TRPC3: variants seen among roughly 807,000 people sequenced by gnomAD.
TRPC3 encodes the protein transient receptor potential cation channel subfamily C member 3.
In TRPC3, 54 loss-of-function variants were observed where a neutral mutation model predicts 90.9. That is an observed-to-expected ratio of 0.59 (90% CI 0.48 to 0.75). TRPC3 has a LOEUF of 0.75. TRPC3 is among the 30% of genes least tolerant of loss of function. The pLI, the probability that TRPC3 is intolerant of heterozygous loss-of-function variation, is 0.00. For missense variants in TRPC3, 918 were observed against 1,194.5 expected (o/e 0.77, Z 3.41); for synonymous variants, 424 against 450.9 (o/e 0.94, Z 0.75).
chr4:121,913,815 C>T (rs1388173812), intron 4 of TRPC3, among the ~76,000 whole-genome samples: 2 of 152,210 alleles, frequency 1.3e-5, no homozygotes, highest in Admixed American at 1.3e-4. Flanking sequence ...GCATGGGCAA[C>T]TCAATGATGA....
rs147057028 is a variant in TRPC3, at chr4:121,899,260, T to C, written c.2547+352A>G. ...TTTCCTGCCATGGGAGCATTATTCATTCTAACATACTCTGTCTTCTACTGC... is the reference window on the plus strand; with the variant it reads ...TTTCCTGCCATGGGAGCATTATTCACTCTAACATACTCTGTCTTCTACTGC... On this transcript the variant is annotated intron_variant, in intron 10 of 11. Coordinates refer to ENST00000379645, the MANE Select transcript of TRPC3 (RefSeq NM_001130698.2). Among the ~76,000 whole-genome samples, 180 of 152,296 alleles carry C rather than the reference T, an allele frequency of 1.2e-3. No homozygotes were observed. The Middle Eastern group carries it at 0.014, about 12-fold the overall frequency.
rs963316129 is a variant in TRPC3, at chr4:121,876,775, T to C, written c.*2961A>G. Among the ~76,000 whole-genome samples the C allele has an allele frequency of 2.6e-5, 4 of 152,204 alleles. No homozygotes were observed. Among genetic ancestry groups the C allele is most frequent in the Admixed American group, 6.5e-5 (1 of 15,278 alleles). Reference sequence around the variant, plus strand: ...ACAGATTGTGACTTCCATAAAGTCATGGGTGCTCTGTAAATTCAATACAGC... The same window carrying C: ...ACAGATTGTGACTTCCATAAAGTCACGGGTGCTCTGTAAATTCAATACAGC... On this transcript the variant is annotated 3_prime_UTR_variant, in exon 12 of 12. Transcript: ENST00000379645.
intron 10 of TRPC3, among the ~76,000 whole-genome samples, chr4:121,899,104 T>G (rs1357079188): frequency 6.6e-6 from 1 of 152,174 alleles, no homozygotes; most frequent in Non-Finnish European, 1.5e-5. Context: ...AGTTGGAGAA[T>G]AGTGTTCAAA....
intron 10 of TRPC3, among the ~76,000 whole-genome samples, chr4:121,890,650 C>T (rs1321279457): frequency 1.3e-5 from 2 of 151,930 alleles, no homozygotes; most frequent in African/African-American, 2.4e-5. Context: ...TGAGATATTT[C>T]AATAAAATTA....
At chr4:121,921,500 C>A (rs1156661232) in intron 3 of TRPC3, among the ~76,000 whole-genome samples, 2 of 117,172 alleles carry the variant, frequency 1.7e-5, no homozygotes, top group African/African-American at 3.4e-5. Context: ...CCAGCCTGGG[C>A]GACAGAGCGA....
rs1490523766 is a variant in TRPC3 at position 121,916,646 on chromosome 4, G to A, written c.1177-1702C>T. 3.3e-5 allele frequency among the ~76,000 whole-genome samples: 5 copies of A among 152,268 alleles called. No homozygotes were observed. The East Asian group carries it at 9.7e-4, about 29-fold the overall frequency. On this transcript the variant is annotated intron_variant, in intron 3 of 11. Transcript: ENST00000379645. Reference sequence around the variant, plus strand: ...AGTCAGCAGTCTGCAACCCAGAGGAGAGCCCTCATCAGATCTTCACTATGC... The same window carrying A: ...AGTCAGCAGTCTGCAACCCAGAGGAAAGCCCTCATCAGATCTTCACTATGC...
In TRPC3 at chr4:121,876,140, C is replaced by T. The variant is rs76580551; in HGVS notation, c.*3596G>A. Among the ~76,000 whole-genome samples the T allele has an allele frequency of 8.2e-3, 1,244 of 151,930 alleles. 17 individuals carry two copies. The highest frequency in any genetic ancestry group is 0.028 in the African/African-American group (1,168 of 41,402). ...TCTCGAACTCCTGAACTGAAGCCAT[C>T]GACCTGCTTCAACGTCCCAAAGTGC... is the stretch of plus-strand genomic sequence containing the variant. On this transcript the variant is annotated 3_prime_UTR_variant, in exon 12 of 12. Coordinates refer to ENST00000379645, the MANE Select transcript of TRPC3 (RefSeq NM_001130698.2).
At chr4:121,909,025 G>A (rs1728988782) in intron 6 of TRPC3, among the ~76,000 whole-genome samples, 1 of 152,038 alleles carries the variant, frequency 6.6e-6, no homozygotes, top group South Asian at 2.1e-4. Context: ...ATAGGAGATA[G>A]GGAAGCCTGA....
intron 1 of TRPC3, among the ~76,000 whole-genome samples, chr4:121,944,162 G>A (rs1730413517): frequency 1.3e-5 from 2 of 152,122 alleles, no homozygotes; most frequent in Admixed American, 1.3e-4. Context: ...CGGATGTTAT[G>A]CAACACTGAG....
chr4:121,919,923 G>C (rs547252444), intron 3 of TRPC3, among the ~76,000 whole-genome samples: 280 of 152,260 alleles, frequency 1.8e-3, no homozygotes, highest in Non-Finnish European at 3.1e-3. Flanking sequence ...GAAGTAGGTA[G>C]AACTTTGGTT....
In TRPC3 at chr4:121,877,179, T is replaced by A. The variant is rs1727786402; in HGVS notation, c.*2557A>T. On this transcript the variant is annotated 3_prime_UTR_variant, in exon 12 of 12. Coordinates refer to ENST00000379645, the MANE Select transcript of TRPC3 (RefSeq NM_001130698.2). Reference sequence around the variant, plus strand: ...TCGACTAATCCTCATCTCAACCGTATGCTACCACATTAATACCTTATGGCT... The same window carrying A: ...TCGACTAATCCTCATCTCAACCGTAAGCTACCACATTAATACCTTATGGCT... Among the ~76,000 whole-genome samples the A allele has an allele frequency of 6.6e-6, 1 of 152,216 alleles. No individual in the cohort carries two copies. The highest frequency in any genetic ancestry group is 6.5e-5 in the Admixed American group (1 of 15,292).
In TRPC3 at chr4:121,910,170, T is replaced by C; in HGVS notation, c.1776A>G (p.Ile592Met). Residue 592 changes from isoleucine (I) to methionine (M), a missense_variant, in exon 6 of 12, where the codon ATA becomes ATG. Ile to Met is a conservative substitution (Grantham distance 10). Around this residue, in one of 4 missense-constraint regions of TRPC3, gnomAD observed 147 missense variants for 263.5 expected, o/e 0.56. Coordinates refer to ENST00000379645, the MANE Select transcript of TRPC3 (RefSeq NM_001130698.2). Reference sequence around the variant, plus strand: ...ACAACTTACCATAAGTGAAATACTGTATCTCTGGTGGGAGTGTCACTTCAC... The same window carrying C: ...ACAACTTACCATAAGTGAAATACTGCATCTCTGGTGGGAGTGTCACTTCAC... ...DLSEVTLPPE[I>M]QYFTYARDKW... 1 of 1,613,366 alleles carries C rather than the reference T, an allele frequency of 6.2e-7. No homozygotes were observed. Among genetic ancestry groups the C allele is most frequent in the Middle Eastern group, 1.7e-4 (1 of 6,054 alleles).
In TRPC3 at chr4:121,951,517, T is replaced by TGCGAGGGCGCCGAGCGCGGCTCCAGCC. The variant is rs1730752710; in HGVS notation, c.137_163dup (p.Ser54_Gln55insArgLeuGluProArgSerAlaProSer). The stretch of plus-strand genomic sequence containing the variant: ...CGGGCAGTAGCCGTGCGGCTCCCGC[T>TGCGAGGGCGCCGAGCGCGGCTCCAGCC]GCGAGGGCGCCGAGCGCGGCTCCAG... On this transcript the variant is annotated inframe_insertion, in exon 1 of 12. Transcript: ENST00000379645. The surrounding 1 kb of genome is among the most constrained non-coding windows in gnomAD (Gnocchi z 4.4). The TGCGAGGGCGCCGAGCGCGGCTCCAGCC allele has an allele frequency of 7.2e-7, 1 of 1,383,050 alleles. No individual in the cohort carries two copies. Among genetic ancestry groups the TGCGAGGGCGCCGAGCGCGGCTCCAGCC allele is most frequent in the African/African-American group, 1.5e-5 (1 of 65,356 alleles). The allele number at this position is 1,383,050 out of a possible 1,614,324, so 85.7% of individuals were successfully genotyped here.
chr4:121,892,405 C>A (rs1024771345), intron 10 of TRPC3, among the ~76,000 whole-genome samples: 1 of 152,140 alleles, frequency 6.6e-6, no homozygotes, highest in African/African-American at 2.4e-5. Flanking sequence ...TCTTCTCTAT[C>A]ACTTTCTAAC....
intron 3 of TRPC3, among the ~76,000 whole-genome samples, chr4:121,919,621 C>T (rs1729433995): frequency 6.6e-6 from 1 of 152,190 alleles, no homozygotes; most frequent in Non-Finnish European, 1.5e-5. Flanking sequence ...TTACCACTCT[C>T]TCATTGCATT....
At chr4:121,950,246 A>G (rs1262835967) in intron 1 of TRPC3, among the ~76,000 whole-genome samples, 1 of 152,174 alleles carries the variant, frequency 6.6e-6, no homozygotes, top group East Asian at 1.9e-4. Context: ...CGGCAGGTCC[A>G]GCCTGACCAG....
chr4:121,910,501 G>A, intron 5 of TRPC3, 114 bp from the exon 6 acceptor site: 1 of 791,358 alleles, frequency 1.3e-6, no homozygotes. Context: ...CACAGTACTA[G>A]GCATCACAAA....
intron 10 of TRPC3, among the ~76,000 whole-genome samples, chr4:121,886,317 A>G (rs1455093971): frequency 6.6e-6 from 1 of 152,180 alleles, no homozygotes; most frequent in Non-Finnish European, 1.5e-5. Context: ...TTGTACTATG[A>G]ATTTTAACAA....
chr4:121,888,995 A>G (rs1728229346), intron 10 of TRPC3, among the ~76,000 whole-genome samples: 1 of 152,190 alleles, frequency 6.6e-6, no homozygotes, highest in Admixed American at 6.6e-5. Flanking sequence ...TGAACCAGGA[A>G]GCACTTACAG....
Sources: gnomAD v4.1 joint callset for allele counts (sites outside exome capture counted in the v4.1 genomes callset) on GRCh38, gnomAD v4.1.1 for gene constraint, gnomAD v4.1.1 regional missense constraint, Gnocchi (gnomAD v3.1) non-coding constraint, MANE v1.5 for transcripts, NCBI Gene and HGNC (gene_info 2026-07-23, HGNC 2026-07-21) for gene names.